The following AOAH variants were observed in gnomAD, a reference collection of about 807,000 sequenced individuals.
AOAH encodes acyloxyacyl hydrolase (neutrophil).
AOAH carries 64 observed loss-of-function variants against 92.2 expected under a neutral mutation model. The observed-to-expected ratio is 0.69, with a 90% CI of 0.57 to 0.86. AOAH has a LOEUF of 0.86. Among genes scored for constraint, AOAH ranks in the 40% least tolerant of loss-of-function variants. The probability of loss-of-function intolerance (pLI) is 0.00; values close to 1 mark genes in which losing one functional copy is unlikely to be tolerated. For missense variants in AOAH, 656 were observed against 694.6 expected (o/e 0.94, Z 0.62); for synonymous variants, 263 against 254.5 (o/e 1.03, Z -0.32).
Position 36,623,252 on chromosome 7 carries a change from T to C in AOAH, c.522-2A>G. Reference sequence around the variant, plus strand: ...AATGGCACAGACTGTTCCATAGCTCTAGGAAAAAGAAAACAAAACAATCGG... The same window carrying C: ...AATGGCACAGACTGTTCCATAGCTCCAGGAAAAAGAAAACAAAACAATCGG... On this transcript the variant is annotated splice_acceptor_variant, in intron 6 of 20. Transcript: ENST00000617537. LOFTEE classifies it high-confidence loss of function. 1 of 1,612,618 alleles carries C rather than the reference T, an allele frequency of 6.2e-7. No homozygotes were observed. Among genetic ancestry groups the C allele is most frequent in the Non-Finnish European group, 8.5e-7 (1 of 1,179,142 alleles).
intron 1 of AOAH, among the ~76,000 whole-genome samples, chr7:36,692,719 A>T (rs1052593950): frequency 6.6e-6 from 1 of 152,240 alleles, no homozygotes; most frequent in Non-Finnish European, 1.5e-5. Flanking sequence ...CATTTATTCA[A>T]CGTGTACTTT....
chr7:36,528,277 C>T (rs3779223), intron 19 of AOAH, among the ~76,000 whole-genome samples: 1 of 152,202 alleles, frequency 6.6e-6, no homozygotes, highest in African/African-American at 2.4e-5. Flanking sequence ...TGCCTAGGAG[C>T]TTTCTCCCAC....
At chr7:36,709,949 T>A (rs367606562) in intron 1 of AOAH, among the ~76,000 whole-genome samples, 1 of 152,202 alleles carries the variant, frequency 6.6e-6, no homozygotes. Context: ...TATGTATTCA[T>A]GTCTATTTGG....
At chr7:36,712,137 G>T (rs183468455) in intron 1 of AOAH, among the ~76,000 whole-genome samples, 2 of 152,172 alleles carry the variant, frequency 1.3e-5, no homozygotes, top group Admixed American at 1.3e-4. Flanking sequence ...TCAACCTTCT[G>T]TTGGCTCTGT....
In AOAH at chr7:36,614,475, G is replaced by A. The variant is rs2001600; in HGVS notation, c.846+1905C>T. On this transcript the variant is annotated intron_variant, in intron 11 of 20. Coordinates refer to ENST00000617537, the MANE Select transcript of AOAH (RefSeq NM_001637.4). This position sits in a 1 kb window ranked among gnomAD's most constrained non-coding sequence, Gnocchi z 4.2. The stretch of plus-strand genomic sequence containing the variant: ...GTTTGTTATGTGAGTGAAGTCCAGT[G>A]GGCCAACTGAGCATGTGTGAGCGAG... Among the ~76,000 whole-genome samples the A allele has an allele frequency of 6.6e-6, 1 of 151,900 alleles. No individual in the cohort carries two copies. The highest frequency in any genetic ancestry group is 6.6e-5 in the Admixed American group (1 of 15,262).
At chr7:36,577,024 CTTT>C (rs565396541) in intron 12 of AOAH, among the ~76,000 whole-genome samples, 11 of 131,400 alleles carry the variant, frequency 8.4e-5, no homozygotes, top group Admixed American at 1.5e-4. Context: ...TGTTGCCTTT[CTTT>C]TTTTTTTTTT....
intron 1 of AOAH, among the ~76,000 whole-genome samples, chr7:36,710,167 C>T (rs557932262): frequency 3.3e-5 from 5 of 152,152 alleles, no homozygotes; most frequent in South Asian, 4.2e-4. Context: ...ATCACTTCCA[C>T]GGTTATATTC....
chr7:36,712,460 G>A (rs1184609092), intron 1 of AOAH, among the ~76,000 whole-genome samples: 1 of 152,114 alleles, frequency 6.6e-6, no homozygotes, highest in African/African-American at 2.4e-5. Flanking sequence ...GAAACACAAG[G>A]ATTATTTTCC....
intron 13 of AOAH, among the ~76,000 whole-genome samples, chr7:36,566,468 C>A (rs1408055340): frequency 1.3e-5 from 2 of 150,414 alleles, no homozygotes; most frequent in African/African-American, 4.9e-5. Context: ...TTCTGACATT[C>A]ATCATACTCC....
intron 1 of AOAH, among the ~76,000 whole-genome samples, chr7:36,716,334 A>C (rs985731701): frequency 9.3e-5 from 14 of 151,278 alleles, no homozygotes; most frequent in African/African-American, 3.4e-4. Flanking sequence ...CAGGTGCTGG[A>C]GAGGATGTGG....
chr7:36,716,384 A>G (rs1422382630), intron 1 of AOAH, among the ~76,000 whole-genome samples: 1 of 150,364 alleles, frequency 6.7e-6, no homozygotes, highest in East Asian at 2.0e-4. Flanking sequence ...GGGACTGTAA[A>G]CTAGTTTAAC....
intron 12 of AOAH, among the ~76,000 whole-genome samples, chr7:36,579,892 G>A (rs1788813488): frequency 6.6e-6 from 1 of 152,160 alleles, no homozygotes; most frequent in Admixed American, 6.5e-5. Context: ...CAATCAAGTT[G>A]ACACTCAGTA....
At chr7:36,562,598 G>A (rs537123437) in intron 13 of AOAH, among the ~76,000 whole-genome samples, 18 of 152,284 alleles carry the variant, frequency 1.2e-4, no homozygotes, top group Non-Finnish European at 2.1e-4. Flanking sequence ...TAAATAAGGT[G>A]CAGGGCATTG....
At chr7:36,635,070 G>A (rs1793427498) in intron 5 of AOAH, among the ~76,000 whole-genome samples, 1 of 152,176 alleles carries the variant, frequency 6.6e-6, no homozygotes, top group Non-Finnish European at 1.5e-5. Flanking sequence ...AAAGAGAACT[G>A]AGATGGGCCC....
chr7:36,577,420 C>A (rs1025134556), intron 12 of AOAH, among the ~76,000 whole-genome samples: 4 of 152,138 alleles, frequency 2.6e-5, no homozygotes, highest in African/African-American at 9.7e-5. Flanking sequence ...CTGGAAGGAG[C>A]CTGGATCCCT....
chr7:36,514,803 C>T (rs960394420), intron 20 of AOAH: 6 of 501,518 alleles, frequency 1.2e-5, no homozygotes, highest in African/African-American at 5.8e-5. Context: ...TAATAGGCAG[C>T]GTAGCCAACT....
chr7:36,556,406 A>G (rs1482706091), intron 13 of AOAH, among the ~76,000 whole-genome samples: 1 of 152,066 alleles, frequency 6.6e-6, no homozygotes, highest in Non-Finnish European at 1.5e-5. Context: ...ACTTCCAACT[A>G]TGTGGTCAAT....
intron 1 of AOAH, among the ~76,000 whole-genome samples, chr7:36,723,008 AG>A (rs1488810192): frequency 3.3e-5 from 5 of 150,140 alleles, no homozygotes; most frequent in Admixed American, 3.3e-4. Flanking sequence ...CAATGACCTG[AG>A]GCCATGATTT....
intron 11 of AOAH, among the ~76,000 whole-genome samples, chr7:36,609,521 C>T (rs576694263): frequency 2.0e-3 from 306 of 152,224 alleles, no homozygotes; most frequent in Non-Finnish European, 2.7e-3. Context: ...CACTGAGCTC[C>T]TCCTCAGAAG....
Sources: gnomAD v4.1 joint callset for allele counts (sites outside exome capture counted in the v4.1 genomes callset) on GRCh38, gnomAD v4.1.1 for gene constraint, Gnocchi (gnomAD v3.1) non-coding constraint, MANE v1.5 for transcripts, NCBI Gene and HGNC (gene_info 2026-07-23, HGNC 2026-07-21) for gene names.